Variants in DIAPH2 observed in about 807,000 individuals in gnomAD.
DIAPH2 encodes protein diaphanous homolog 2.
A neutral mutation model predicts 92.7 loss-of-function variants in DIAPH2; 35 were observed. The observed-to-expected ratio is 0.38, with a 90% CI of 0.29 to 0.50. DIAPH2 has a LOEUF of 0.50. Among genes scored for constraint, DIAPH2 ranks in the 20% least tolerant of loss-of-function variants. The pLI, the probability that DIAPH2 is intolerant of heterozygous loss-of-function variation, is 0.94. For missense variants in DIAPH2, 701 were observed against 819.5 expected (o/e 0.86, Z 1.77); for synonymous variants, 301 against 280.4 (o/e 1.07, Z -0.73).
At chrX:97,216,272 ATTG>A (rs2067882869) in intron 22 of DIAPH2, among the ~76,000 whole-genome samples, 1 of 111,616 alleles carries the variant, frequency 9.0e-6, no homozygotes, top group Non-Finnish European at 1.9e-5. Context: ...TATACGTAAA[ATTG>A]TTAACTCATA....
At chrX:97,348,042 A>G in intron 23 of DIAPH2, 74 bp from the exon 24 acceptor site, 3 of 1,001,513 alleles carry the variant, frequency 3.0e-6, no homozygotes, top group Admixed American at 5.1e-5. Flanking sequence ...TGATGATTTA[A>G]TTTAATCTTA....
chrX:97,142,326 A>C (rs1250699827), intron 22 of DIAPH2, among the ~76,000 whole-genome samples: 2 of 111,777 alleles, frequency 1.8e-5, no homozygotes, highest in Non-Finnish European at 3.8e-5. Context: ...GGAAGAGGTC[A>C]AAGGTGAAAT....
rs150280563 is a variant in DIAPH2 at position 96,948,938 on chromosome X, G to C, written c.1513G>C (p.Asp505His). 5.9e-6 allele frequency: 7 copies of C among 1,180,852 alleles called. No individual in the cohort carries two copies. The Admixed American group carries it at 6.8e-5, about 12-fold the overall frequency. The change falls in exon 15 of 27, where the codon GAT becomes CAT. Residue 505 changes from aspartate to histidine, a missense_variant. This residue lies in a region of DIAPH2 where 536 missense variants were observed against 599.3 expected (regional missense o/e 0.89). Transcript: ENST00000324765. ...ACATTGATGGTGATCATTGCAGTTC[G>C]ATGAAGAATTCACAGCTCGACAGGA... is the stretch of plus-strand genomic sequence containing the variant. ...QKAAEFSKKF[D>H]EEFTARQEAQ...
chrX:97,081,432 G>C (rs1196413856), intron 19 of DIAPH2, among the ~76,000 whole-genome samples: 1 of 112,004 alleles, frequency 8.9e-6, no homozygotes, highest in African/African-American at 3.2e-5. Context: ...ATCACCAGCT[G>C]TGTTGTTGTT....
chrX:96,744,419 A>G (rs1225825187), intron 3 of DIAPH2, among the ~76,000 whole-genome samples: 1 of 112,517 alleles, frequency 8.9e-6, no homozygotes, highest in Non-Finnish European at 1.9e-5. Flanking sequence ...AAATTTAGGT[A>G]CATAAAAATC....
chrX:97,073,766 G>A (rs1288441753), intron 18 of DIAPH2, among the ~76,000 whole-genome samples: 2 of 112,250 alleles, frequency 1.8e-5, no homozygotes, highest in African/African-American at 3.2e-5. Flanking sequence ...TTTTGTTAAG[G>A]AATGTGGTAT....
chrX:97,285,512 G>C (rs914021566), intron 23 of DIAPH2, among the ~76,000 whole-genome samples: 1 of 109,676 alleles, frequency 9.1e-6, no homozygotes, highest in African/African-American at 3.3e-5. Flanking sequence ...CTACAAACTT[G>C]GTTATTGCTA....
At chrX:97,236,995 T>C (rs777618986) in intron 22 of DIAPH2, among the ~76,000 whole-genome samples, 10 of 112,219 alleles carry the variant, frequency 8.9e-5, no homozygotes, top group Non-Finnish European at 1.7e-4. Flanking sequence ...AATTGTTTTC[T>C]ACCTGTTTGT....
intron 1 of DIAPH2, among the ~76,000 whole-genome samples, chrX:96,691,072 G>A (rs1380797872): frequency 8.9e-6 from 1 of 111,930 alleles, no homozygotes; most frequent in South Asian, 3.8e-4. Context: ...TGTTACTGAA[G>A]TGAAATCATG....
intron 1 of DIAPH2, among the ~76,000 whole-genome samples, chrX:96,728,057 GAAAA>G (rs59678952): frequency 1.0e-5 from 1 of 96,534 alleles, no homozygotes; most frequent in African/African-American, 3.8e-5. Context: ...AAAAAAAAAA[GAAAA>G]AAAAAAGTAG....
chrX:96,773,754 G>C (rs1467943518), intron 4 of DIAPH2, among the ~76,000 whole-genome samples: 1 of 111,283 alleles, frequency 9.0e-6, no homozygotes, highest in African/African-American at 3.3e-5. Context: ...GCAGGCTGGG[G>C]CACGAGAATC....
intron 26 of DIAPH2, among the ~76,000 whole-genome samples, chrX:97,471,278 A>G (rs2070559643): frequency 1.8e-5 from 2 of 111,838 alleles, no homozygotes; most frequent in African/African-American, 6.5e-5. Flanking sequence ...TAACCACAGA[A>G]GAAAGGTTAC....
At position 96,916,573 on chromosome X, in the gene DIAPH2, A is replaced by G. The variant is rs749883179; in HGVS notation, c.868A>G (p.Ile290Val). Reference sequence around the variant, plus strand: ...TATTTGCATTGTTGGAGAAGAGAACATGTAAGTATTGCTATATTATTATAT... The same window carrying G: ...TATTTGCATTGTTGGAGAAGAGAACGTGTAAGTATTGCTATATTATTATAT... ...SAICIVGEEN[I>V]LDKLLGAITT... Residue 290 changes from isoleucine (I) to valine (V), a missense_variant and splice_region_variant, in exon 8 of 27, where the codon ATT becomes GTT. By Grantham distance (29) the Ile-to-Val change is conservative. Transcript: ENST00000324765. 1.1e-5 allele frequency: 13 copies of G among 1,196,832 alleles called. No homozygotes were observed. The highest frequency in any genetic ancestry group is 1.0e-5 in the Non-Finnish European group (9 of 887,598).
At chrX:97,528,550 T>G (rs2071038666) in intron 26 of DIAPH2, 1 of 111,209 alleles carries the variant, frequency 9.0e-6, no homozygotes, top group Admixed American at 9.6e-5. Flanking sequence ...TACAGGTTTT[T>G]GTTTTTGTTT....
At chrX:96,687,902 G>A (rs951718465) in intron 1 of DIAPH2, among the ~76,000 whole-genome samples, 1 of 111,212 alleles carries the variant, frequency 9.0e-6, no homozygotes. Flanking sequence ...TTTGAATAAT[G>A]CATTAGTAGT....
chrX:97,390,208 CTTTTTTTTTT>C (rs142044871), intron 25 of DIAPH2, among the ~76,000 whole-genome samples: 5 of 33,174 alleles, frequency 1.5e-4, no homozygotes, highest in East Asian at 1.5e-3. Context: ...TGCTTTCTGT[CTTTTTTTTTT>C]TTTTTTTTTT....
intron 10 of DIAPH2, 82 bp from the exon 11 acceptor site, chrX:96,937,151 T>C: frequency 2.3e-6 from 1 of 431,861 alleles, no homozygotes; most frequent in East Asian, 4.3e-5. Context: ...TATAAATGAA[T>C]AATTGTGTTC....
chrX:96,927,688 C>T (rs1312107615), intron 9 of DIAPH2, among the ~76,000 whole-genome samples: 2 of 110,581 alleles, frequency 1.8e-5, no homozygotes, highest in Admixed American at 9.6e-5. Flanking sequence ...TACTGTAGAG[C>T]GTGTGTGTGC....
At position 97,589,028 on chromosome X, in the gene DIAPH2, A is replaced by T. The variant is rs772646715; in HGVS notation, c.3242-10225A>T. Among the ~76,000 whole-genome samples the T allele has an allele frequency of 6.7e-3, 65 of 9,667 alleles. 1 individual carries two copies. The highest frequency in any genetic ancestry group is 9.3e-3 in the African/African-American group (60 of 6,464). 8.4% of individuals were successfully genotyped at this position (9,667 alleles called of 115,157 possible). A position where few individuals can be genotyped will look rare whatever the true frequency, so the allele number is the denominator to read the frequency against. On this transcript the variant is annotated intron_variant, in intron 26 of 26. Transcript: ENST00000324765. ...ATATATATATATATATATATATATA[A>T]AAGAATCAGATGGTTGCGGTGGCTC...
Sources: gnomAD v4.1 joint callset for allele counts (sites outside exome capture counted in the v4.1 genomes callset) on GRCh38, gnomAD v4.1.1 for gene constraint, gnomAD v4.1.1 regional missense constraint, MANE v1.5 for transcripts, NCBI Gene and HGNC (gene_info 2026-07-23, HGNC 2026-07-21) for gene names.